The following PTPRD variants were observed in gnomAD, a reference collection of about 807,000 sequenced individuals.
PTPRD encodes receptor-type tyrosine-protein phosphatase delta.
A neutral mutation model predicts 214.5 loss-of-function variants in PTPRD; 34 were observed. The observed-to-expected ratio is 0.16, with a 90% CI of 0.12 to 0.21. The LOEUF (loss-of-function observed/expected upper bound fraction) is 0.21. PTPRD is among the 10% of genes least tolerant of loss of function. PTPRD has a pLI of 1.00. For missense variants in PTPRD, 2,545 were observed against 2,398.7 expected, an observed-to-expected ratio of 1.06 and a Z score of -1.27; for synonymous variants, 1,128 against 845.7, an observed-to-expected ratio of 1.33 and a Z score of -5.79.
At chr9:10,130,900 T>G (rs970791579) in intron 3 of PTPRD, among the ~76,000 whole-genome samples, 2 of 152,096 alleles carry the variant, frequency 1.3e-5, no homozygotes, top group South Asian at 4.1e-4. Context: ...CAAAGAAATG[T>G]GCAAAGTAGT....
rs562115476 is a variant in PTPRD, at chr9:8,668,455, C to G, written c.65-31611G>C. Among the ~76,000 whole-genome samples, 27 of 152,282 alleles carry G rather than the reference C, an allele frequency of 1.8e-4. No homozygotes were observed. The South Asian group carries it at 2.5e-3, about 14-fold the overall frequency. On this transcript the variant is annotated intron_variant, in intron 12 of 45. Transcript: ENST00000381196. ...TTTTCCATGTGCTTCCTCTTTCAGG[C>G]AACTGCAAGATTAAGCCAAACTGTA... is the stretch of plus-strand genomic sequence containing the variant.
At chr9:10,137,693 G>A (rs200065700) in intron 3 of PTPRD, among the ~76,000 whole-genome samples, 6 of 42,388 alleles carry the variant, frequency 1.4e-4, no homozygotes, top group South Asian at 1.4e-3. Flanking sequence ...CTAAAACTTA[G>A]AGTATAATAA....
At chr9:10,206,231 A>G (rs1424738426) in intron 3 of PTPRD, among the ~76,000 whole-genome samples, 1 of 152,224 alleles carries the variant, frequency 6.6e-6, no homozygotes, top group Non-Finnish European at 1.5e-5. Flanking sequence ...GGAAACTCAA[A>G]GAGGCTTAGT....
chr9:9,442,997 T>C (rs532623529), intron 8 of PTPRD, among the ~76,000 whole-genome samples: 1 of 152,284 alleles, frequency 6.6e-6, no homozygotes, highest in East Asian at 1.9e-4. Context: ...GTATTTGCTT[T>C]TCTTAGTGAT....
rs1490014145 is a variant in PTPRD at position 9,596,184 on chromosome 9, G to A, written c.-286-21403C>T. Reference sequence around the variant, plus strand: ...ACAAATAATTTATACATTGTATTTAGTCCCATGTGTCAAAATGCCAAACTT... The same window carrying A: ...ACAAATAATTTATACATTGTATTTAATCCCATGTGTCAAAATGCCAAACTT... On this transcript the variant is annotated intron_variant, in intron 7 of 45. Transcript: ENST00000381196. Among the ~76,000 whole-genome samples, 12 of 151,798 alleles carry A rather than the reference G, an allele frequency of 7.9e-5. No homozygotes were observed. In the Admixed American group the frequency reaches 7.9e-4, roughly 10 times the overall value.
intron 9 of PTPRD, among the ~76,000 whole-genome samples, chr9:9,299,537 G>C (rs932685913): frequency 5.9e-5 from 9 of 151,616 alleles, no homozygotes; most frequent in African/African-American, 1.9e-4. Context: ...TCTTATTTGG[G>C]ATTTAAATAT....
At chr9:9,577,527 G>A (rs1279372066) in intron 7 of PTPRD, among the ~76,000 whole-genome samples, 3 of 152,026 alleles carry the variant, frequency 2.0e-5, no homozygotes, top group Non-Finnish European at 4.4e-5. Context: ...TTGTGCCACT[G>A]CATCCAGCCT....
chr9:9,602,870 T>C (rs538893860), intron 7 of PTPRD, among the ~76,000 whole-genome samples: 8 of 152,288 alleles, frequency 5.3e-5, no homozygotes, highest in Middle Eastern at 6.8e-3. Context: ...ATGTGAATGA[T>C]TCAGCAACCA....
chr9:10,316,764 G>A (rs144712709), intron 3 of PTPRD, among the ~76,000 whole-genome samples: 8 of 151,804 alleles, frequency 5.3e-5, no homozygotes, highest in African/African-American at 1.9e-4. Context: ...ATCTAAAAAA[G>A]ATTTTTTAGA....
intron 2 of PTPRD, among the ~76,000 whole-genome samples, chr9:10,419,873 C>T (rs1177213461): frequency 6.6e-6 from 1 of 151,534 alleles, no homozygotes; most frequent in Non-Finnish European, 1.5e-5. Context: ...TTTAAACATA[C>T]TTCATATATT....
intron 2 of PTPRD, among the ~76,000 whole-genome samples, chr9:10,366,751 T>C (rs890633051): frequency 4.6e-5 from 7 of 152,190 alleles, no homozygotes; most frequent in African/African-American, 1.7e-4. Context: ...TGTTCATATT[T>C]ATTGCCACGT....
intron 2 of PTPRD, among the ~76,000 whole-genome samples, chr9:10,485,124 CTT>C (rs1473937018): frequency 1.3e-5 from 2 of 151,902 alleles, no homozygotes. Flanking sequence ...ACCAGATTGT[CTT>C]TTCTCCAGTG....
chr9:9,931,583 C>T (rs10978103), intron 5 of PTPRD, among the ~76,000 whole-genome samples: 38,955 of 151,704 alleles, frequency 0.26, 5,736 homozygotes, highest in Middle Eastern at 0.46. Context: ...CCTATGCCCA[C>T]GGAGTCTCGC....
intron 6 of PTPRD, among the ~76,000 whole-genome samples, chr9:9,738,108 G>T (rs2098332677): frequency 6.6e-6 from 1 of 152,034 alleles, no homozygotes; most frequent in Non-Finnish European, 1.5e-5. Flanking sequence ...GTTGTGAGGT[G>T]GGGGGATGGG....
intron 2 of PTPRD, among the ~76,000 whole-genome samples, chr9:10,536,018 G>A (rs749639210): frequency 6.6e-6 from 1 of 152,064 alleles, no homozygotes; most frequent in Non-Finnish European, 1.5e-5. Flanking sequence ...GTATAAAAGA[G>A]TTTTTTTCCA....
At chr9:8,925,003 C>T (rs59719053) in intron 11 of PTPRD, among the ~76,000 whole-genome samples, 2,164 of 152,082 alleles carry the variant, frequency 0.014, 76 homozygotes, top group African/African-American at 0.049. Context: ...TGTTATATTC[C>T]GTAAATACTT....
At chr9:9,145,948 C>A (rs542898792) in intron 10 of PTPRD, among the ~76,000 whole-genome samples, 6 of 152,228 alleles carry the variant, frequency 3.9e-5, no homozygotes, top group Admixed American at 3.3e-4. Flanking sequence ...AACACTCTAA[C>A]TGAAGATGTC....
At chr9:9,609,163 A>G (rs986635186) in intron 7 of PTPRD, among the ~76,000 whole-genome samples, 1 of 152,182 alleles carries the variant, frequency 6.6e-6, no homozygotes, top group African/African-American at 2.4e-5. Flanking sequence ...TATCCCTGAC[A>G]TTTATGAATC....
intron 39 of PTPRD, among the ~76,000 whole-genome samples, chr9:8,353,479 C>A (rs946294760): frequency 6.6e-6 from 1 of 152,118 alleles, no homozygotes; most frequent in Non-Finnish European, 1.5e-5. Flanking sequence ...GCCCAGGAGG[C>A]TGGAGTGTGC....
Sources: allele counts gnomAD v4.1 joint callset (sites outside exome capture counted in the v4.1 genomes callset), GRCh38; gene constraint gnomAD v4.1.1; transcripts MANE v1.5; gene names NCBI Gene and HGNC (gene_info 2026-07-23, HGNC 2026-07-21).